ROR1: variants seen among roughly 807,000 people sequenced by gnomAD.
ROR1 encodes inactive tyrosine-protein kinase transmembrane receptor ROR1.
Under a neutral mutation model 78.8 loss-of-function variants are expected in ROR1, and 19 were observed. The observed-to-expected ratio is 0.24, with a 90% confidence interval of 0.17 to 0.35. ROR1 has a LOEUF of 0.35. ROR1 is among the 10% of genes least tolerant of loss of function. The pLI is 1.00. For synonymous variants in ROR1, 386 were observed against 433.6 expected, an observed-to-expected ratio of 0.89 and a Z score of 1.36; for missense variants, 917 against 1,177.8, an observed-to-expected ratio of 0.78 and a Z score of 3.24.
intron 1 of ROR1, among the ~76,000 whole-genome samples, chr1:63,783,258 C>G (rs1341782779): frequency 6.6e-6 from 1 of 152,150 alleles, no homozygotes. Flanking sequence ...GAAGACTTGT[C>G]TTTCTTCCCA....
chr1:64,079,236 TGTAA>T (rs1297342471), intron 4 of ROR1, among the ~76,000 whole-genome samples: 1 of 152,134 alleles, frequency 6.6e-6, no homozygotes, highest in Non-Finnish European at 1.5e-5. Flanking sequence ...CATTAAAATG[TGTAA>T]GTAAGTAGCA....
Position 63,980,812 on chromosome 1 carries a change from G to T in ROR1, c.92-28493G>T, listed in dbSNP as rs534700623. Among the ~76,000 whole-genome samples the T allele has an allele frequency of 2.3e-4, 35 of 152,338 alleles. 1 individual carries two copies. The South Asian group carries it at 7.0e-3, about 31-fold the overall frequency. On this transcript the variant is annotated intron_variant, in intron 1 of 8. Transcript: ENST00000371079. The stretch of plus-strand genomic sequence containing the variant: ...CTAGTCACACTGGGCCTGTGTAAAA[G>T]GGCCAAGGAGCACTTGCCCCTCCAA...
At chr1:63,837,658 A>G (rs1160590372) in intron 1 of ROR1, among the ~76,000 whole-genome samples, 1 of 152,150 alleles carries the variant, frequency 6.6e-6, no homozygotes, top group Non-Finnish European at 1.5e-5. Flanking sequence ...TTGTTTCTAC[A>G]AACAATACAA....
chr1:63,823,445 C>CTTTTTTT (rs11374055), intron 1 of ROR1, among the ~76,000 whole-genome samples: 20 of 106,142 alleles, frequency 1.9e-4, no homozygotes, highest in East Asian at 2.8e-4. Context: ...ACAGACATTA[C>CTTTTTTT]TTTTTTTTTT....
At chr1:64,107,896 A>G (rs1269626569) in intron 4 of ROR1, among the ~76,000 whole-genome samples, 1 of 152,174 alleles carries the variant, frequency 6.6e-6, no homozygotes, top group African/African-American at 2.4e-5. Flanking sequence ...TGAGGGAGCC[A>G]GCCATAAATA....
intron 1 of ROR1, among the ~76,000 whole-genome samples, chr1:63,838,110 A>G (rs1458017078): frequency 6.6e-6 from 1 of 152,202 alleles, no homozygotes; most frequent in Non-Finnish European, 1.5e-5. Flanking sequence ...TATATGCAGT[A>G]TACCTAATTG....
At chr1:63,877,246 C>T (rs1045736410) in intron 1 of ROR1, among the ~76,000 whole-genome samples, 9 of 152,092 alleles carry the variant, frequency 5.9e-5, no homozygotes, top group Non-Finnish European at 8.8e-5. Flanking sequence ...GAGTTAAATT[C>T]CTCTGCGTGT....
intron 4 of ROR1, among the ~76,000 whole-genome samples, chr1:64,055,563 T>G (rs1032157713): frequency 6.6e-6 from 1 of 152,222 alleles, no homozygotes; most frequent in African/African-American, 2.4e-5. Flanking sequence ...TGTCTAAGGT[T>G]TTGATTACAT....
chr1:63,881,036 A>G (rs1000059961), intron 1 of ROR1, among the ~76,000 whole-genome samples: 4 of 151,754 alleles, frequency 2.6e-5, no homozygotes, highest in Non-Finnish European at 5.9e-5. Flanking sequence ...ACTAGATTAA[A>G]TGTAGATCTA....
chr1:63,778,216 C>G (rs144677055), intron 1 of ROR1, among the ~76,000 whole-genome samples: 3 of 152,108 alleles, frequency 2.0e-5, no homozygotes, highest in Non-Finnish European at 4.4e-5. Flanking sequence ...GAGGTGAGTG[C>G]GTGAAATTAA....
intron 1 of ROR1, among the ~76,000 whole-genome samples, chr1:63,959,456 G>A (rs1646010564): frequency 6.6e-6 from 1 of 152,130 alleles, no homozygotes; most frequent in Non-Finnish European, 1.5e-5. Context: ...GGTAATAGTT[G>A]CTACTCAGAG....
Position 63,953,027 on chromosome 1 carries a change from C to T in ROR1, c.92-56278C>T, listed in dbSNP as rs116033726. On this transcript the variant is annotated intron_variant, in intron 1 of 8. Transcript: ENST00000371079. ...ATGGGGCATTAATCCTTGGCTCTGT[C>T]CTGGGAGAATGAAAATTACATAATG... is the stretch of plus-strand genomic sequence containing the variant. 2.8e-3 allele frequency among the ~76,000 whole-genome samples: 425 copies of T among 152,112 alleles called. 2 individuals carry two copies. Among genetic ancestry groups the T allele is most frequent in the African/African-American group, 9.9e-3 (410 of 41,498 alleles).
At chr1:63,890,500 G>A (rs1370180282) in intron 1 of ROR1, among the ~76,000 whole-genome samples, 2 of 151,314 alleles carry the variant, frequency 1.3e-5, no homozygotes, top group African/African-American at 4.9e-5. Context: ...ATAGTCCAAT[G>A]GGAGATTCAA....
intron 1 of ROR1, among the ~76,000 whole-genome samples, chr1:63,796,871 G>A (rs1028395202): frequency 1.1e-4 from 17 of 152,280 alleles, no homozygotes; most frequent in Admixed American, 1.0e-3. Flanking sequence ...CCCCAGCCCA[G>A]CTCCTCAGTA....
In ROR1 at chr1:64,179,070, A is replaced by G. The variant is rs2100748258; in HGVS notation, c.*215A>G. 1 of 514,494 alleles carries G rather than the reference A, an allele frequency of 1.9e-6. No homozygotes were observed. The highest frequency in any genetic ancestry group is 2.0e-5 in the African/African-American group (1 of 51,036). 31.9% of individuals were successfully genotyped at this position (514,494 alleles called of 1,614,324 possible). A position where few individuals can be genotyped will look rare whatever the true frequency, so the allele number is the denominator to read the frequency against. ...AACAAGCAAACAAAAACATTGTGGG[A>G]TGTGCACTCCATTGGAGTGCATGAC... On this transcript the variant is annotated 3_prime_UTR_variant, in exon 9 of 9. Coordinates refer to ENST00000371079, the MANE Select transcript of ROR1 (RefSeq NM_005012.4).
intron 4 of ROR1, among the ~76,000 whole-genome samples, chr1:64,120,037 G>A (rs190262455): frequency 6.6e-6 from 1 of 152,316 alleles, no homozygotes; most frequent in East Asian, 1.9e-4. Context: ...GAAATGGTGT[G>A]TTATTTTTGA....
At chr1:64,065,563 A>C (rs528443452) in intron 4 of ROR1, among the ~76,000 whole-genome samples, 1 of 152,184 alleles carries the variant, frequency 6.6e-6, no homozygotes. Flanking sequence ...TGCACAGGGC[A>C]CTCTATCTCC....
At chr1:63,928,863 T>C (rs1645729210) in intron 1 of ROR1, among the ~76,000 whole-genome samples, 1 of 152,208 alleles carries the variant, frequency 6.6e-6, no homozygotes, top group African/African-American at 2.4e-5. Context: ...GGCCAAGATC[T>C]GGGCTGTGCT....
At chr1:64,026,693 T>A (rs1646613664) in intron 2 of ROR1, among the ~76,000 whole-genome samples, 1 of 152,166 alleles carries the variant, frequency 6.6e-6, no homozygotes, top group Non-Finnish European at 1.5e-5. Flanking sequence ...GAAGCAGGCA[T>A]GTCTTACATG....
Sources: gnomAD v4.1 joint callset for allele counts (sites outside exome capture counted in the v4.1 genomes callset) on GRCh38, gnomAD v4.1.1 for gene constraint, MANE v1.5 for transcripts, NCBI Gene and HGNC (gene_info 2026-07-23, HGNC 2026-07-21) for gene names.